Variants in IL23R observed in about 807,000 individuals in gnomAD.
IL23R encodes interleukin-23 receptor.
A neutral mutation model predicts 56.9 loss-of-function variants in IL23R; 34 were observed. That is an observed-to-expected ratio of 0.60 (90% confidence interval 0.45 to 0.80). IL23R has a LOEUF of 0.80. IL23R is among the 30% of genes least tolerant of loss of function. The pLI is 0.00. For synonymous variants in IL23R, 230 were observed against 249.2 expected (o/e 0.92, Z 0.73); for missense variants, 635 against 730.0 (o/e 0.87, Z 1.50).
At chr1:67,167,296 C>A (rs926156525) in intron 1 of IL23R, among the ~76,000 whole-genome samples, 8 of 152,150 alleles carry the variant, frequency 5.3e-5, no homozygotes, top group Admixed American at 4.6e-4. Context: ...ATCTCGAACT[C>A]CTGGGCTCAA....
At chr1:67,180,167 T>C (rs7840635) in intron 3 of IL23R, among the ~76,000 whole-genome samples, 4 of 152,304 alleles carry the variant, frequency 2.6e-5, no homozygotes, top group Admixed American at 2.0e-4. Flanking sequence ...AATTCCTGGA[T>C]ATCATTGTTA....
chr1:67,175,048 C>G (rs1018519564), intron 3 of IL23R, among the ~76,000 whole-genome samples: 1 of 151,956 alleles, frequency 6.6e-6, no homozygotes, highest in Non-Finnish European at 1.5e-5. Flanking sequence ...AGGCACACTC[C>G]TATTAGTCGG....
chr1:67,162,193 C>T (rs986499593), upstream of IL23R, among the ~76,000 whole-genome samples: 5 of 151,192 alleles, frequency 3.3e-5, no homozygotes, highest in African/African-American at 9.7e-5. Flanking sequence ...TGGCCTGGCA[C>T]GATGGCTCAC....
At chr1:67,154,917 T>A (rs1272895545) in intron 1 of IL23R, among the ~76,000 whole-genome samples, 1 of 152,224 alleles carries the variant, frequency 6.6e-6, no homozygotes, top group Non-Finnish European at 1.5e-5. Flanking sequence ...GTTTTTGTAG[T>A]GGCTGGTACT....
chr1:67,205,901 TTC>T (rs1491319276), intron 5 of IL23R, among the ~76,000 whole-genome samples: 2 of 124,718 alleles, frequency 1.6e-5, no homozygotes, highest in African/African-American at 2.7e-5. Context: ...CTTTCTTTCT[TTC>T]TTTCTTTCTT....
chr1:67,263,162 C>G (rs1007894422), downstream of IL23R, among the ~76,000 whole-genome samples: 1 of 124,632 alleles, frequency 8.0e-6, no homozygotes, highest in African/African-American at 3.1e-5. Context: ...TGCACAATCA[C>G]AGCTCACCAC....
intron 4 of IL23R, among the ~76,000 whole-genome samples, chr1:67,194,534 T>C (rs1049045971): frequency 6.6e-6 from 1 of 152,276 alleles, no homozygotes; most frequent in Non-Finnish European, 1.5e-5. Flanking sequence ...TTAGTCATTA[T>C]TATCAGATTC....
At chr1:67,183,211 C>T (rs948255694) in intron 4 of IL23R, among the ~76,000 whole-genome samples, 1 of 152,214 alleles carries the variant, frequency 6.6e-6, no homozygotes, top group Non-Finnish European at 1.5e-5. Context: ...GTAGCAGGCT[C>T]CTAATGGTGG....
chr1:67,198,017 TCA>T (rs892385431), intron 4 of IL23R, among the ~76,000 whole-genome samples: 10 of 152,160 alleles, frequency 6.6e-5, no homozygotes, highest in African/African-American at 2.2e-4. Flanking sequence ...TTATTTCAGC[TCA>T]CAGTTCTGCA....
rs113333976 is a variant in IL23R at position 67,198,309 on chromosome 1, G to A, written c.492-2428G>A. Among the ~76,000 whole-genome samples the A allele has an allele frequency of 1.6e-3, 240 of 152,240 alleles. 2 individuals are homozygous for A. Among genetic ancestry groups the A allele is most frequent in the Non-Finnish European group, 3.1e-3 (212 of 68,016 alleles). Reference sequence around the variant, plus strand: ...ATTCTCCAGCACTCCTTTCGCCACCGCCTCCAACCCTCGTCCACTAAAAAC... The same window carrying A: ...ATTCTCCAGCACTCCTTTCGCCACCACCTCCAACCCTCGTCCACTAAAAAC... On this transcript the variant is annotated intron_variant, in intron 4 of 10. Coordinates refer to ENST00000347310, the MANE Select transcript of IL23R (RefSeq NM_144701.3).
intron 3 of IL23R, among the ~76,000 whole-genome samples, chr1:67,175,417 T>C (rs1451645870): frequency 1.3e-5 from 2 of 152,208 alleles, no homozygotes; most frequent in Non-Finnish European, 2.9e-5. Context: ...ACTTACACTG[T>C]TGTACAACCA....
At chr1:67,220,677 G>T (rs929403216) in intron 7 of IL23R, among the ~76,000 whole-genome samples, 4 of 152,094 alleles carry the variant, frequency 2.6e-5, no homozygotes, top group Admixed American at 1.3e-4. Context: ...AGACCAGACT[G>T]GACAAGATAG....
At position 67,235,383 on chromosome 1, in the gene IL23R, T is replaced by A. The variant is rs576104164; in HGVS notation, c.956-1330T>A. Among the ~76,000 whole-genome samples the A allele has an allele frequency of 6.3e-5, 4 of 63,438 alleles. No homozygotes were observed. In the East Asian group the frequency reaches 3.0e-3, roughly 48 times the overall value. The allele number at this position is 63,438 out of a possible 152,430, so 41.6% of individuals were successfully genotyped here. A position where few individuals can be genotyped will look rare whatever the true frequency, so the allele number is the denominator to read the frequency against. ...GCTTATGCCTGCACCCAGAGCAGCC[T>A]TTTTTCTTTTTTCTTTTTTTTTTTT... On this transcript the variant is annotated intron_variant, in intron 7 of 10. Transcript: ENST00000347310.
chr1:67,182,699 T>A, intron 3 of IL23R, 137 bp from the exon 4 acceptor site: 1 of 890,046 alleles, frequency 1.1e-6, no homozygotes. Context: ...CAGTTGGAAA[T>A]GAAGAAATCG....
chr1:67,256,211 G>T (rs1445715282), intron 10 of IL23R, among the ~76,000 whole-genome samples: 1 of 152,170 alleles, frequency 6.6e-6, no homozygotes, highest in Non-Finnish European at 1.5e-5. Flanking sequence ...GTCACCTGGT[G>T]ACCAAACAAT....
intron 7 of IL23R, among the ~76,000 whole-genome samples, chr1:67,227,861 A>ATAAATT (rs1650720925): frequency 6.6e-6 from 1 of 152,194 alleles, no homozygotes; most frequent in African/African-American, 2.4e-5. Context: ...TAAACCACCA[A>ATAAATT]GTTTCTGCAG....
At chr1:67,214,530 A>C (rs1649702578) in intron 6 of IL23R, among the ~76,000 whole-genome samples, 1 of 152,234 alleles carries the variant, frequency 6.6e-6, no homozygotes, top group Non-Finnish European at 1.5e-5. Context: ...AAGTGAGCTC[A>C]AATGTACCTG....
Position 67,240,082 on chromosome 1 carries a change from T to G in IL23R, c.1046-97T>G. 5 of 903,420 alleles carry G rather than the reference T, an allele frequency of 5.5e-6. No individual in the cohort carries two copies. In the East Asian group the frequency reaches 7.5e-5, roughly 14 times the overall value. The allele number at this position is 903,420 out of a possible 1,614,324, so 56.0% of individuals were successfully genotyped here. A position where few individuals can be genotyped will look rare whatever the true frequency, so the allele number is the denominator to read the frequency against. ...TTGCTTCCCCCCACCCTTTCTCCTT[T>G]GAGACCTTTGCTTTGAGCAGAGTAA... On this transcript the variant is annotated intron_variant, in intron 8 of 10. Transcript: ENST00000347310.
Position 67,182,927 on chromosome 1 carries a change from C to A in IL23R, c.459C>A (p.Tyr153Ter). The A allele has an allele frequency of 6.2e-7, 1 of 1,614,128 alleles. No individual in the cohort carries two copies. Among genetic ancestry groups the A allele is most frequent in the Non-Finnish European group, 8.5e-7 (1 of 1,179,980 alleles). The change falls in exon 4 of 11, where the codon TAC (tyrosine) becomes TAA (stop). Residue 153 changes from tyrosine (Y) to a stop codon, truncating the protein, a stop_gained. Coordinates refer to ENST00000347310, the MANE Select transcript of IL23R (RefSeq NM_144701.3). LOFTEE classifies it high-confidence loss of function. Reference sequence around the variant, plus strand: ...CCTGGAATGCTGGGAAGCTCACCTACATAGACACAAAATACGTGGTACATG... The same window carrying A: ...CCTGGAATGCTGGGAAGCTCACCTAAATAGACACAAAATACGTGGTACATG... ...TCTWNAGKLT[Y>*]IDTKYVVHVK...
Sources: gnomAD v4.1 joint callset for allele counts (sites outside exome capture counted in the v4.1 genomes callset) on GRCh38, gnomAD v4.1.1 for gene constraint, MANE v1.5 for transcripts, NCBI Gene and HGNC (gene_info 2026-07-23, HGNC 2026-07-21) for gene names.